Variants in SGCD observed in about 807,000 individuals in gnomAD.
SGCD encodes the protein delta-sarcoglycan.
Under a neutral mutation model 36.6 loss-of-function variants are expected in SGCD, and 18 were observed. That is an observed-to-expected ratio of 0.49 (90% CI 0.34 to 0.73). The LOEUF (loss-of-function observed/expected upper bound fraction) is 0.73, where lower values mean the gene tolerates loss of function less well. Among genes scored for constraint, SGCD ranks in the 30% least tolerant of loss-of-function variants. SGCD has a pLI of 0.01. For synonymous variants in SGCD, 133 were observed against 130.6 expected, an observed-to-expected ratio of 1.02 and a Z score of -0.12; for missense variants, 387 against 346.7, an observed-to-expected ratio of 1.12 and a Z score of -0.92.
intron 1 of SGCD, among the ~76,000 whole-genome samples, chr5:155,949,235 C>T (rs1030274620): frequency 2.6e-5 from 4 of 152,184 alleles, no homozygotes; most frequent in African/African-American, 9.7e-5. Context: ...TGTAAACTCT[C>T]CAAGGCACAG....
the SGCD span, among the ~76,000 whole-genome samples, chr5:155,790,746 G>A: frequency 1.3e-5 from 2 of 151,966 alleles, no homozygotes; most frequent in Non-Finnish European, 2.9e-5. Flanking sequence ...GTTCCTCTGT[G>A]TCTTTTATAT....
At chr5:156,381,660 A>C (rs1770985719) in intron 3 of SGCD, among the ~76,000 whole-genome samples, 1 of 152,198 alleles carries the variant, frequency 6.6e-6, no homozygotes, top group African/African-American at 2.4e-5. Context: ...GTCTGTGTTA[A>C]AAGGTACACT....
intron 4 of SGCD, among the ~76,000 whole-genome samples, chr5:156,588,189 C>G (rs1181718673): frequency 2.0e-5 from 3 of 152,012 alleles, no homozygotes; most frequent in Admixed American, 2.0e-4. Flanking sequence ...ACGCAGTGGC[C>G]TTTGAGCTAC....
intron 7 of SGCD, among the ~76,000 whole-genome samples, chr5:156,675,410 A>G (rs920384791): frequency 6.6e-6 from 1 of 152,208 alleles, no homozygotes; most frequent in Admixed American, 6.5e-5. Flanking sequence ...TTCCTTATAG[A>G]TAATGGTCAG....
At chr5:156,461,868 G>T (rs1008600746) in intron 3 of SGCD, among the ~76,000 whole-genome samples, 1 of 152,068 alleles carries the variant, frequency 6.6e-6, no homozygotes, top group Non-Finnish European at 1.5e-5. Flanking sequence ...AATAAATTCT[G>T]CATTGCCTCT....
the SGCD span, among the ~76,000 whole-genome samples, chr5:155,733,187 T>C: frequency 0.24 from 35,843 of 152,070 alleles, 5,252 homozygotes; most frequent in East Asian, 0.39. Flanking sequence ...TGTCCCAATT[T>C]AGTGGATGTA....
At chr5:156,472,523 T>C (rs530198496) in intron 3 of SGCD, among the ~76,000 whole-genome samples, 5 of 152,304 alleles carry the variant, frequency 3.3e-5, no homozygotes, top group African/African-American at 1.2e-4. Context: ...GTTCAAGCGA[T>C]TCTTGTGCCT....
intron 3 of SGCD, among the ~76,000 whole-genome samples, chr5:156,406,789 T>TA (rs1422767899): frequency 2.2e-5 from 1 of 44,984 alleles, no homozygotes. Context: ...AATAGGAGAT[T>TA]TTATATATAT....
intron 7 of SGCD, among the ~76,000 whole-genome samples, chr5:156,665,453 G>A (rs925489022): frequency 1.3e-5 from 2 of 152,194 alleles, no homozygotes; most frequent in African/African-American, 2.4e-5. Context: ...CAGCTTCCAG[G>A]GGCATCAGAA....
chr5:156,532,132 G>A (rs1323743630), intron 4 of SGCD, among the ~76,000 whole-genome samples: 1 of 151,964 alleles, frequency 6.6e-6, no homozygotes, highest in Non-Finnish European at 1.5e-5. Flanking sequence ...ATAAAAAAAG[G>A]TATGGACACT....
chr5:156,546,950 T>C (rs546028139), intron 4 of SGCD, among the ~76,000 whole-genome samples: 59 of 152,346 alleles, frequency 3.9e-4, no homozygotes, highest in Middle Eastern at 3.4e-3. Context: ...CAGGAAGTAA[T>C]ACACTGGATT....
chr5:156,192,775 A>AG (rs1469647970), intron 3 of SGCD, among the ~76,000 whole-genome samples: 3 of 150,958 alleles, frequency 2.0e-5, no homozygotes. Context: ...AATAAAAAAA[A>AG]TCTAAAGAAA....
At chr5:156,122,203 T>G (rs2127602864) in intron 2 of SGCD, among the ~76,000 whole-genome samples, 2 of 152,280 alleles carry the variant, frequency 1.3e-5, no homozygotes, top group African/African-American at 4.8e-5. Flanking sequence ...TGTCTGCTTA[T>G]TCATTCATTC....
intron 6 of SGCD, among the ~76,000 whole-genome samples, chr5:156,646,910 A>G (rs6893427): frequency 1.8e-3 from 270 of 152,316 alleles, no homozygotes; most frequent in African/African-American, 5.9e-3. Flanking sequence ...AAAGTGTAAA[A>G]GCTCTGAACT....
At chr5:156,267,838 CT>C (rs1393990402) in intron 3 of SGCD, among the ~76,000 whole-genome samples, 1 of 152,060 alleles carries the variant, frequency 6.6e-6, no homozygotes, top group African/African-American at 2.4e-5. Flanking sequence ...TTTAGGCTGT[CT>C]TTTTTTTAAC....
intron 1 of SGCD, among the ~76,000 whole-genome samples, chr5:155,991,154 G>A (rs1025484380): frequency 1.3e-5 from 2 of 152,110 alleles, no homozygotes; most frequent in Non-Finnish European, 2.9e-5. Context: ...TAATATCTGT[G>A]AAAATGCTTA....
chr5:155,793,953 G>GAAAAAA, the SGCD span, among the ~76,000 whole-genome samples: 2 of 100,350 alleles, frequency 2.0e-5, no homozygotes, highest in African/African-American at 7.1e-5. Context: ...AAGCAAAAAT[G>GAAAAAA]AAAAAAAAAA....
rs10529406 is a variant in SGCD at position 156,406,018 on chromosome 5, TA to T, written c.192+61357del. Reference sequence around the variant, plus strand: ...TGCTGTATTTGGCCCTATCTTTGCTTAAAAAAAAAAAAAAAAGGCCTCTGGG... The same window carrying T: ...TGCTGTATTTGGCCCTATCTTTGCTTAAAAAAAAAAAAAAAGGCCTCTGGG... On this transcript the variant is annotated intron_variant, in intron 3 of 8. Transcript: ENST00000337851. Among the ~76,000 whole-genome samples, 256 of 103,960 alleles carry T rather than the reference TA, an allele frequency of 2.5e-3. 5 individuals are homozygous for T. Among genetic ancestry groups the T allele is most frequent in the South Asian group, 5.3e-3 (13 of 2,458 alleles). 68.2% of individuals were successfully genotyped at this position (103,960 alleles called of 152,430 possible).
chr5:156,083,108 T>C (rs1240515496), intron 1 of SGCD, among the ~76,000 whole-genome samples: 1 of 152,154 alleles, frequency 6.6e-6, no homozygotes, highest in Non-Finnish European at 1.5e-5. Context: ...CATTCTCTAA[T>C]TGAATTGTCT....
Sources: allele counts gnomAD v4.1 joint callset (sites outside exome capture counted in the v4.1 genomes callset), GRCh38; gene constraint gnomAD v4.1.1; transcripts MANE v1.5; gene names NCBI Gene and HGNC (gene_info 2026-07-23, HGNC 2026-07-21).